The following CGNL1 variants were observed in gnomAD, a reference collection of about 807,000 sequenced individuals.
CGNL1 encodes the protein cingulin like 1.
CGNL1 carries 132 observed loss-of-function variants against 141.2 expected under a neutral mutation model. The observed-to-expected ratio is 0.93, with a 90% CI of 0.81 to 1.08. CGNL1 has a LOEUF of 1.08. CGNL1 is among the 50% of genes least tolerant of loss of function. The pLI is 0.00. For synonymous variants in CGNL1, 690 were observed against 622.1 expected, an observed-to-expected ratio of 1.11 and a Z score of -1.63; for missense variants, 1,870 against 1,588.6, an observed-to-expected ratio of 1.18 and a Z score of -3.01.
At chr15:57,413,010 G>A (rs1406698238) in intron 1 of CGNL1, among the ~76,000 whole-genome samples, 1 of 151,578 alleles carries the variant, frequency 6.6e-6, no homozygotes, top group African/African-American at 2.4e-5. Context: ...ACAGGTGCGT[G>A]CCACCATGCC....
rs991091490 is a variant in CGNL1, at chr15:57,463,592, G to T, written c.2403+1700G>T. Among the ~76,000 whole-genome samples the T allele has an allele frequency of 3.9e-5, 6 of 152,366 alleles. No homozygotes were observed. The East Asian group carries it at 1.2e-3, about 29-fold the overall frequency. ...GGGTGTGGGCCAGCAAGGGCTGTTT[G>T]TTCCAGGTTGTTTTCTATACTGCTG... On this transcript the variant is annotated intron_variant, in intron 8 of 18. Coordinates refer to ENST00000281282, the MANE Select transcript of CGNL1 (RefSeq NM_032866.5).
chr15:57,432,329 G>A (rs770432043), intron 1 of CGNL1, among the ~76,000 whole-genome samples: 1 of 152,154 alleles, frequency 6.6e-6, no homozygotes, highest in African/African-American at 2.4e-5. Flanking sequence ...CCAGCATTAC[G>A]TGACTAATCT....
chr15:57,411,788 A>T (rs1423785549), intron 1 of CGNL1, among the ~76,000 whole-genome samples: 2 of 151,334 alleles, frequency 1.3e-5, no homozygotes, highest in Non-Finnish European at 2.9e-5. Flanking sequence ...TTCTCTTTTG[A>T]TGTGGATAAT....
intron 1 of CGNL1, among the ~76,000 whole-genome samples, chr15:57,425,740 C>CAAA (rs35847617): frequency 0.1 from 11,874 of 113,828 alleles, 593 homozygotes; most frequent in Middle Eastern, 0.21. Flanking sequence ...GAGCCTGTCT[C>CAAA]AAAAAAAAAA....
intron 1 of CGNL1, among the ~76,000 whole-genome samples, chr15:57,379,229 T>C (rs1346597566): frequency 6.6e-6 from 1 of 152,196 alleles, no homozygotes; most frequent in Non-Finnish European, 1.5e-5. Context: ...ACTGTGAATA[T>C]AATAATACAC....
At chr15:57,460,270 A>G (rs1157237761) in intron 7 of CGNL1, among the ~76,000 whole-genome samples, 3 of 152,188 alleles carry the variant, frequency 2.0e-5, no homozygotes, top group Non-Finnish European at 4.4e-5. Context: ...AAAGGTCACA[A>G]TGACCTTGCA....
intron 8 of CGNL1, among the ~76,000 whole-genome samples, chr15:57,473,932 C>G (rs1189824959): frequency 2.8e-5 from 3 of 107,990 alleles, no homozygotes; most frequent in Admixed American, 1.4e-4. Flanking sequence ...TTTTCTGAGA[C>G]AGAGTCTCAC....
At chr15:57,451,340 C>T (rs1477296942) in intron 4 of CGNL1, among the ~76,000 whole-genome samples, 160 bp from the exon 5 acceptor site, 9 of 152,162 alleles carry the variant, frequency 5.9e-5, no homozygotes, top group African/African-American at 2.2e-4. Context: ...CCCACCAAGT[C>T]AGGGAAGGTT....
At position 57,408,535 on chromosome 15, in the gene CGNL1, T is replaced by G. The variant is rs142712314; in HGVS notation, c.-15-29450T>G. Among the ~76,000 whole-genome samples the G allele has an allele frequency of 6.4e-3, 973 of 152,176 alleles. 13 individuals carry two copies. Among genetic ancestry groups the G allele is most frequent in the African/African-American group, 0.022 (928 of 41,526 alleles). On this transcript the variant is annotated intron_variant, in intron 1 of 18. Coordinates refer to ENST00000281282, the MANE Select transcript of CGNL1 (RefSeq NM_032866.5). ...TCCACTTTTCCGGGATAATATAATTTAATTTTAGTTTAGTTTTTTAGAGAT... is the reference window on the plus strand; with the variant it reads ...TCCACTTTTCCGGGATAATATAATTGAATTTTAGTTTAGTTTTTTAGAGAT...
intron 1 of CGNL1, among the ~76,000 whole-genome samples, chr15:57,416,477 G>A (rs890892614): frequency 2.4e-4 from 36 of 152,074 alleles, no homozygotes; most frequent in African/African-American, 8.7e-4. Context: ...ACTTAAGCCA[G>A]CATCCTCTCC....
At chr15:57,427,967 C>A (rs1008373058) in intron 1 of CGNL1, among the ~76,000 whole-genome samples, 2 of 143,650 alleles carry the variant, frequency 1.4e-5, no homozygotes, top group East Asian at 2.0e-4. Context: ...TATGGAAAAC[C>A]TTGACTTTTT....
rs56726484 is a variant in CGNL1, at chr15:57,452,217, A to G, written c.1982A>G (p.Lys661Arg). ...GAGCTCCGAAGCCAACACAACGAAAAGGTGGAGGAGAACTCCACATTGCAG... is the reference window on the plus strand; with the variant it reads ...GAGCTCCGAAGCCAACACAACGAAAGGGTGGAGGAGAACTCCACATTGCAG... ...LEELRSQHNEKVEENSTLQQR... is the reference protein window; with the variant it reads ...LEELRSQHNERVEENSTLQQR... The change falls in exon 6 of 19, where the codon AAG (lysine) becomes AGG (arginine). Residue 661 changes from lysine (K) to arginine (R), a missense_variant. Transcript: ENST00000281282. The G allele has an allele frequency of 2.6e-4, 413 of 1,614,030 alleles. 2 individuals are homozygous for G. The African/African-American group carries it at 5.1e-3, about 20-fold the overall frequency.
chr15:57,495,779 T>A (rs961868117), intron 8 of CGNL1, among the ~76,000 whole-genome samples: 4 of 152,206 alleles, frequency 2.6e-5, no homozygotes, highest in African/African-American at 7.2e-5. Context: ...TTTTCCCTGA[T>A]GTAGATAGAC....
At position 57,438,016 on chromosome 15, in the gene CGNL1, G is replaced by A. The variant is rs866506108; in HGVS notation, c.17G>A (p.Gly6Asp). ...CAGTGAACCATGGAGCTGTATTTCG[G>A]TGAATATCAACATGTGCAGCAGGAA... The part of the protein sequence containing the change: MELYF[G>D]EYQHVQQEYG... Residue 6 changes from glycine (G) to aspartate (D), a missense_variant, in exon 2 of 19, where the codon GGT (glycine) becomes GAT (aspartate). Transcript: ENST00000281282. 1 of 1,612,168 alleles carries A rather than the reference G, an allele frequency of 6.2e-7. No individual in the cohort carries two copies. The highest frequency in any genetic ancestry group is 8.5e-7 in the Non-Finnish European group (1 of 1,179,856).
At chr15:57,530,421 G>A (rs1287356359) in intron 13 of CGNL1, among the ~76,000 whole-genome samples, 3 of 152,174 alleles carry the variant, frequency 2.0e-5, no homozygotes, top group African/African-American at 4.8e-5. Context: ...CCTAAGAGGC[G>A]GCAAGCAGGA....
intron 8 of CGNL1, among the ~76,000 whole-genome samples, chr15:57,509,480 G>A (rs934845586): frequency 2.3e-4 from 35 of 152,372 alleles, no homozygotes; most frequent in Admixed American, 2.6e-4. Flanking sequence ...CATCAGGAGC[G>A]AGCCTGTCCA....
In CGNL1 at chr15:57,546,057, A is replaced by G. The variant is rs2032847248; in HGVS notation, c.3610-19A>G. ...TGGGCCATCAGCCGGCACTCAGCCC[A>G]CATTCTCTCCCGGTGCAGCTGAGCT... On this transcript the variant is annotated intron_variant, in intron 17 of 18. Transcript: ENST00000281282. 15 of 1,606,156 alleles carry G rather than the reference A, an allele frequency of 9.3e-6. No individual in the cohort carries two copies. In the East Asian group the frequency reaches 3.1e-4, roughly 33 times the overall value.
intron 1 of CGNL1, among the ~76,000 whole-genome samples, chr15:57,393,592 A>T (rs1312006686): frequency 6.6e-6 from 1 of 151,990 alleles, no homozygotes; most frequent in East Asian, 1.9e-4. Flanking sequence ...TTTTTTTGGG[A>T]TCATTTTGGG....
At chr15:57,465,989 G>C (rs2063506928) in intron 8 of CGNL1, among the ~76,000 whole-genome samples, 1 of 152,190 alleles carries the variant, frequency 6.6e-6, no homozygotes, top group Admixed American at 6.5e-5. Flanking sequence ...ATTGCTCAGT[G>C]GATGGAATTC....
Sources: gnomAD v4.1 joint callset for allele counts (sites outside exome capture counted in the v4.1 genomes callset) on GRCh38, gnomAD v4.1.1 for gene constraint, MANE v1.5 for transcripts, NCBI Gene and HGNC (gene_info 2026-07-23, HGNC 2026-07-21) for gene names.